The following TTLL7 variants were observed in gnomAD, a reference collection of about 807,000 sequenced individuals.
TTLL7 encodes the protein tubulin polyglutamylase TTLL7.
A neutral mutation model predicts 120.2 loss-of-function variants in TTLL7; 53 were observed. The observed-to-expected ratio is 0.44, with a 90% CI of 0.35 to 0.55. TTLL7 has a LOEUF of 0.55. TTLL7 is among the 20% of genes least tolerant of loss of function. The pLI, the probability that TTLL7 is intolerant of heterozygous loss-of-function variation, is 0.00. For missense variants in TTLL7, 803 were observed against 1,054.7 expected (o/e 0.76, Z 3.31); for synonymous variants, 353 against 351.7 (o/e 1.00, Z -0.04).
chr1:83,967,138 G>A (rs1650533624), intron 1 of TTLL7, among the ~76,000 whole-genome samples: 1 of 152,012 alleles, frequency 6.6e-6, no homozygotes, highest in South Asian at 2.1e-4. Flanking sequence ...TACTAAGAAA[G>A]CACTGTTGCA....
At chr1:83,955,896 G>A (rs1371846455) in intron 1 of TTLL7, among the ~76,000 whole-genome samples, 24 of 152,100 alleles carry the variant, frequency 1.6e-4, no homozygotes, top group Admixed American at 1.6e-3. Context: ...AGATACCTGG[G>A]TGGCTAAGAA....
chr1:83,955,166 A>G (rs1263947310), intron 1 of TTLL7, among the ~76,000 whole-genome samples: 1 of 152,152 alleles, frequency 6.6e-6, no homozygotes, highest in East Asian at 1.9e-4. Flanking sequence ...ATCTGAAGAA[A>G]TTCATTTCTC....
intron 1 of TTLL7, among the ~76,000 whole-genome samples, chr1:83,978,479 C>G (rs1651688758): frequency 6.6e-6 from 1 of 152,138 alleles, no homozygotes; most frequent in Non-Finnish European, 1.5e-5. Flanking sequence ...GAATGGCATA[C>G]TGGAGATTTT....
intron 1 of TTLL7, among the ~76,000 whole-genome samples, chr1:83,990,148 T>A (rs918051302): frequency 1.3e-5 from 2 of 151,156 alleles, no homozygotes; most frequent in South Asian, 2.1e-4. Flanking sequence ...AGAGATGATT[T>A]GACTTCTTAT....
chr1:83,893,742 C>A (rs1655984386), intron 18 of TTLL7, among the ~76,000 whole-genome samples: 1 of 152,118 alleles, frequency 6.6e-6, no homozygotes, highest in Non-Finnish European at 1.5e-5. Flanking sequence ...CAGCTTCTCA[C>A]AGGGAACTGT....
chr1:83,905,376 T>A (rs1201352549), intron 17 of TTLL7, among the ~76,000 whole-genome samples: 1 of 151,830 alleles, frequency 6.6e-6, no homozygotes, highest in East Asian at 1.9e-4. Context: ...AGCAAGAAAG[T>A]CTCTTTTATT....
chr1:83,936,764 T>TTTATGTCA (rs1329577220), intron 8 of TTLL7, among the ~76,000 whole-genome samples: 6 of 152,074 alleles, frequency 3.9e-5, no homozygotes, highest in Non-Finnish European at 8.8e-5. Context: ...TTTAAAATCA[T>TTTATGTCA]TTATGTCATT....
At chr1:83,994,716 C>T (rs1232045585) in intron 1 of TTLL7, among the ~76,000 whole-genome samples, 1 of 152,134 alleles carries the variant, frequency 6.6e-6, no homozygotes, top group Non-Finnish European at 1.5e-5. Flanking sequence ...TCCCTTACAC[C>T]TTATACCTTG....
intron 16 of TTLL7, 104 bp downstream of exon 16, chr1:83,907,352 T>C (rs1421777059): frequency 1.0e-6 from 1 of 998,272 alleles, no homozygotes; most frequent in Non-Finnish European, 1.5e-6. Context: ...ATGAGTTGAA[T>C]TATGGAAAGG....
intron 1 of TTLL7, among the ~76,000 whole-genome samples, chr1:83,986,932 C>T (rs1408312155): frequency 6.6e-6 from 1 of 151,986 alleles, no homozygotes; most frequent in Non-Finnish European, 1.5e-5. Context: ...TGCAATAAAG[C>T]AAGAAAAATG....
intron 9 of TTLL7, among the ~76,000 whole-genome samples, chr1:83,932,412 G>A (rs1659668882): frequency 1.3e-5 from 2 of 151,884 alleles, no homozygotes; most frequent in East Asian, 1.9e-4. Flanking sequence ...TCCAAGGAAC[G>A]GAGGAAGCAA....
At chr1:83,903,437 C>G (rs1656900374) in intron 18 of TTLL7, among the ~76,000 whole-genome samples, 1 of 151,880 alleles carries the variant, frequency 6.6e-6, no homozygotes, top group African/African-American at 2.4e-5. Flanking sequence ...TATTTTTCTT[C>G]ATAGTACTTA....
At position 83,865,533 on chromosome 1, in the gene TTLL7, G is replaced by A. The variant is rs909460094; in HGVS notation, c.*4429C>T. 6 of 151,870 alleles carry A rather than the reference G, an allele frequency of 4.0e-5. No homozygotes were observed. Among genetic ancestry groups the A allele is most frequent in the African/African-American group, 9.7e-5 (4 of 41,388 alleles). The allele number at this position is 151,870 out of a possible 1,614,324, so 9.4% of individuals were successfully genotyped here. Reference sequence around the variant, plus strand: ...AATATACGATACATCCCTTTATGACGAGGTCCAAAAAGCACCAAAAAATGG... The same window carrying A: ...AATATACGATACATCCCTTTATGACAAGGTCCAAAAAGCACCAAAAAATGG... On this transcript the variant is annotated 3_prime_UTR_variant, in exon 21 of 21. Coordinates refer to ENST00000260505, the MANE Select transcript of TTLL7 (RefSeq NM_024686.6).
chr1:83,907,757 G>T, intron 15 of TTLL7, 96 bp from the exon 16 acceptor site: 1 of 1,058,706 alleles, frequency 9.4e-7, no homozygotes, highest in Non-Finnish European at 1.4e-6. Context: ...ATAGCAGCTA[G>T]TAGTAAAGTA....
At chr1:83,998,808 A>C in intron 1 of TTLL7, 123 bp downstream of exon 1, 1 of 299,340 alleles carries the variant, frequency 3.3e-6, no homozygotes, top group Non-Finnish European at 6.6e-6. Flanking sequence ...CCCAGCGGGG[A>C]CGGTGTCCCC....
chr1:83,947,365 C>A, intron 5 of TTLL7, 83 bp from the exon 6 acceptor site: 1 of 1,271,376 alleles, frequency 7.9e-7, no homozygotes. Flanking sequence ...ATATTTGCCA[C>A]AAAGATTTAA....
At chr1:83,876,633 T>C (rs1319988587) in intron 20 of TTLL7, among the ~76,000 whole-genome samples, 1 of 151,966 alleles carries the variant, frequency 6.6e-6, no homozygotes, top group Non-Finnish European at 1.5e-5. Flanking sequence ...AAAGGTCATA[T>C]ACATTTCTTG....
chr1:83,871,826 G>A (rs1052874743), intron 20 of TTLL7, among the ~76,000 whole-genome samples: 1 of 150,738 alleles, frequency 6.6e-6, no homozygotes, highest in African/African-American at 2.4e-5. Flanking sequence ...GAACCCGGGA[G>A]GCAGAGCTTG....
chr1:83,907,693 T>C (rs1332615498), intron 15 of TTLL7, 32 bp from the exon 16 acceptor site: 1 of 1,586,460 alleles, frequency 6.3e-7, no homozygotes, highest in Non-Finnish European at 8.6e-7. Flanking sequence ...GATACTACAG[T>C]AGCAGTATTA....
Sources: allele counts gnomAD v4.1 joint callset (sites outside exome capture counted in the v4.1 genomes callset), GRCh38; gene constraint gnomAD v4.1.1; transcripts MANE v1.5; gene names NCBI Gene and HGNC (gene_info 2026-07-23, HGNC 2026-07-21).